Variants in STRN3 observed in about 807,000 individuals in gnomAD.
The protein encoded by STRN3 is striatin 3, also known as striatin-3.
STRN3 carries 29 observed loss-of-function variants against 95.6 expected under a neutral mutation model. The observed-to-expected ratio is 0.30, with a 90% CI of 0.23 to 0.41. The LOEUF (loss-of-function observed/expected upper bound fraction) is 0.41, where lower values mean the gene tolerates loss of function less well. Ranked by LOEUF, STRN3 falls within the 10% of genes least tolerant of loss-of-function variation. STRN3 has a pLI of 1.00. For synonymous variants in STRN3, 331 were observed against 357.6 expected, an observed-to-expected ratio of 0.93 and a Z score of 0.84; for missense variants, 890 against 972.1, an observed-to-expected ratio of 0.92 and a Z score of 1.12.
At position 31,026,136 on chromosome 14, in the gene STRN3, GGGGCCGCCATCCCC is replaced by G; in HGVS notation, c.36_49del (p.Gly13SerfsTer128). 6.7e-7 allele frequency: 1 copy of G among 1,497,030 alleles called. No individual in the cohort carries two copies. The highest frequency in any genetic ancestry group is 8.9e-7 in the Non-Finnish European group (1 of 1,129,360). The allele number at this position is 1,497,030 out of a possible 1,614,324, so 92.7% of individuals were successfully genotyped here. On this transcript the variant is annotated frameshift_variant, in exon 1 of 18. Coordinates refer to ENST00000357479, the MANE Select transcript of STRN3 (RefSeq NM_001083893.2). LOFTEE classifies it high-confidence loss of function. ...CCCAGGTCCCTGCTGCTGCCGGGGA[GGGGCCGCCATCCCC>G]GGGCCGCCACCACCGCCTCCGGCAA...
intron 7 of STRN3, among the ~76,000 whole-genome samples, chr14:30,934,858 T>G (rs1373026896): frequency 6.6e-6 from 1 of 152,134 alleles, no homozygotes; most frequent in Non-Finnish European, 1.5e-5. Flanking sequence ...ACTGAATACA[T>G]AAATTTTTAA....
intron 13 of STRN3, among the ~76,000 whole-genome samples, chr14:30,910,373 G>C (rs1359910429): frequency 1.3e-5 from 2 of 152,086 alleles, no homozygotes; most frequent in Admixed American, 1.3e-4. Context: ...TCTTGACATA[G>C]TGCTTACCAC....
chr14:31,018,612 C>A, intron 1 of STRN3: 1 of 506,540 alleles, frequency 2.0e-6, no homozygotes, highest in South Asian at 1.4e-5. Context: ...ACCCAGCAGA[C>A]CACAGAGCTC....
At chr14:30,924,542 T>A (rs1400088621) in intron 8 of STRN3, among the ~76,000 whole-genome samples, 1 of 152,132 alleles carries the variant, frequency 6.6e-6, no homozygotes, top group Non-Finnish European at 1.5e-5. Flanking sequence ...TCTGCCCGCC[T>A]CAGCCTCCCA....
chr14:30,952,825 CAT>C (rs1434035248), intron 3 of STRN3, among the ~76,000 whole-genome samples: 1 of 152,064 alleles, frequency 6.6e-6, no homozygotes, highest in Non-Finnish European at 1.5e-5. Flanking sequence ...TTTAAAATTA[CAT>C]ATAACACATA....
At chr14:30,913,495 TAAAAA>T in intron 10 of STRN3, 24 bp downstream of exon 10, 1 of 1,556,760 alleles carries the variant, frequency 6.4e-7, no homozygotes, top group Non-Finnish European at 8.7e-7. Flanking sequence ...ATTAAATCAT[TAAAAA>T]ATTAAAAATA....
chr14:31,021,766 T>C (rs529872628), intron 1 of STRN3, among the ~76,000 whole-genome samples: 1 of 152,184 alleles, frequency 6.6e-6, no homozygotes, highest in East Asian at 1.9e-4. Flanking sequence ...ATTTGGCAAT[T>C]TGAAGGTCAA....
At chr14:30,948,150 A>C (rs527795014) in intron 4 of STRN3, among the ~76,000 whole-genome samples, 1 of 152,228 alleles carries the variant, frequency 6.6e-6, no homozygotes, top group African/African-American at 2.4e-5. Context: ...AACTCTACAC[A>C]ATTTTCAGGT....
chr14:30,916,671 C>G (rs1175715400), intron 9 of STRN3, among the ~76,000 whole-genome samples: 3 of 152,092 alleles, frequency 2.0e-5, no homozygotes, highest in Non-Finnish European at 2.9e-5. Context: ...CTCAAGTGAT[C>G]CTCCTGCCTT....
intron 7 of STRN3, among the ~76,000 whole-genome samples, chr14:30,931,273 G>GT (rs2139058145): frequency 6.6e-6 from 1 of 152,212 alleles, no homozygotes; most frequent in African/African-American, 2.4e-5. Context: ...TAAGAAATAG[G>GT]TAAGAGCAAA....
At chr14:31,003,466 T>C (rs537629270) in intron 1 of STRN3, among the ~76,000 whole-genome samples, 1 of 152,080 alleles carries the variant, frequency 6.6e-6, no homozygotes, top group Admixed American at 6.5e-5. Context: ...AGCCTAATGA[T>C]ATTTGGGTCA....
intron 5 of STRN3, among the ~76,000 whole-genome samples, chr14:30,943,130 A>G (rs1879172909): frequency 6.6e-6 from 1 of 152,240 alleles, no homozygotes; most frequent in South Asian, 2.1e-4. Context: ...AGAATGTAAT[A>G]AACATCATTT....
intron 3 of STRN3, among the ~76,000 whole-genome samples, chr14:30,951,525 C>G (rs1879640400): frequency 6.6e-6 from 1 of 152,112 alleles, no homozygotes; most frequent in South Asian, 2.1e-4. Context: ...AACCACCATG[C>G]CTGGCAATTT....
At chr14:30,988,971 A>C (rs1881821316) in intron 1 of STRN3, among the ~76,000 whole-genome samples, 1 of 152,202 alleles carries the variant, frequency 6.6e-6, no homozygotes, top group Non-Finnish European at 1.5e-5. Context: ...TTGCTCACGG[A>C]CACTGTCTTG....
intron 7 of STRN3, among the ~76,000 whole-genome samples, chr14:30,933,970 T>TA (rs569072129): frequency 1.3e-5 from 2 of 152,208 alleles, no homozygotes; most frequent in East Asian, 1.9e-4. Flanking sequence ...AGTTGTTTTT[T>TA]AAAAAAAATC....
chr14:30,957,404 G>C (rs1206911189), intron 1 of STRN3, among the ~76,000 whole-genome samples: 1 of 145,434 alleles, frequency 6.9e-6, no homozygotes, highest in Non-Finnish European at 1.5e-5. Context: ...AGTGAGCCGA[G>C]ATGGTGCCAC....
Position 30,980,375 on chromosome 14 carries a change from C to A in STRN3, c.283-24133G>T, listed in dbSNP as rs199679656. Reference sequence around the variant, plus strand: ...GCTGGTAGTGAACTAAAAAGTTCAACTACTATTCTGCAATGTTTCTTTGTT... The same window carrying A: ...GCTGGTAGTGAACTAAAAAGTTCAAATACTATTCTGCAATGTTTCTTTGTT... On this transcript the variant is annotated intron_variant, in intron 1 of 17. Transcript: ENST00000357479. Among the ~76,000 whole-genome samples the A allele has an allele frequency of 5.3e-5, 8 of 152,242 alleles. No homozygotes were observed. The East Asian group carries it at 1.2e-3, about 22-fold the overall frequency.
intron 5 of STRN3, among the ~76,000 whole-genome samples, chr14:30,944,505 T>C (rs577658361): frequency 9.2e-4 from 136 of 148,214 alleles, no homozygotes; most frequent in Non-Finnish European, 1.6e-3. Flanking sequence ...TATATATACA[T>C]GTATATATAC....
chr14:30,967,246 G>T (rs1302447520), intron 1 of STRN3, among the ~76,000 whole-genome samples: 1 of 143,720 alleles, frequency 7.0e-6, no homozygotes, highest in African/African-American at 2.6e-5. Context: ...CAGGGTGGGG[G>T]GGAAGAGAGG....
Sources: gnomAD v4.1 joint callset for allele counts (sites outside exome capture counted in the v4.1 genomes callset) on GRCh38, gnomAD v4.1.1 for gene constraint, MANE v1.5 for transcripts, NCBI Gene and HGNC (gene_info 2026-07-23, HGNC 2026-07-21) for gene names.